ZFYVE28: variants seen among roughly 807,000 people sequenced by gnomAD.
ZFYVE28 encodes zinc finger FYVE-type containing 28, also known as lateral signaling target protein 2 homolog.
Under a neutral mutation model 82.1 loss-of-function variants are expected in ZFYVE28, and 40 were observed. The ratio of observed to expected loss-of-function variants is 0.49; its 90% CI spans 0.38 to 0.63. The LOEUF is 0.63. Among genes scored for constraint, ZFYVE28 ranks in the 30% least tolerant of loss-of-function variants. The pLI is 0.00. For synonymous variants in ZFYVE28, 612 were observed against 546.1 expected (o/e 1.12, Z -1.68); for missense variants, 1,321 against 1,242.1 (o/e 1.06, Z -0.96).
intron 1 of ZFYVE28, among the ~76,000 whole-genome samples, chr4:2,366,867 C>T (rs1341288472): frequency 6.6e-6 from 1 of 152,200 alleles, no homozygotes; most frequent in Admixed American, 6.5e-5. Context: ...CTGGGCACGG[C>T]GCCACGCAAA....
In ZFYVE28 at chr4:2,274,114, G is replaced by A; in HGVS notation, c.2154C>T (p.Ser718=). The A allele has an allele frequency of 6.2e-7, 1 of 1,613,670 alleles. No individual in the cohort carries two copies. Among genetic ancestry groups the A allele is most frequent in the Non-Finnish European group, 8.5e-7 (1 of 1,179,664 alleles). Residue 718 remains serine (S), a synonymous_variant, in exon 9 of 13, where the codon TCC becomes TCT. Coordinates refer to ENST00000290974, the MANE Select transcript of ZFYVE28 (RefSeq NM_020972.3). ...APQATREKIR[S]RFHGSHDLIH... is the part of the protein sequence containing the mutation. ...TGAGGTCGTGGCTGCCGTGGAACCT[G>A]GACCGGATCTTCTCTCTTGTGGCCT...
rs2108795969 is a variant in ZFYVE28 at position 2,270,804 on chromosome 4, T to C, written c.2585A>G (p.Gln862Arg). ...SHSAPLPRYG[Q>R]VKPVRVCTHC... ...GGTGCACACTCGGACCGGCTTCACC[T>C]GCCCGTAGCGGGGCAGCGGTGCTGA... is the stretch of plus-strand genomic sequence containing the variant. The change falls in exon 13 of 13, where the codon CAG becomes CGG. Residue 862 changes from glutamine (Q) to arginine (R), a missense_variant. Around this residue, in one of 2 missense-constraint regions of ZFYVE28, gnomAD observed 978 missense variants for 833.7 expected, o/e 1.17. Transcript: ENST00000290974. 1 of 1,613,088 alleles carries C rather than the reference T, an allele frequency of 6.2e-7. No homozygotes were observed. The highest frequency in any genetic ancestry group is 1.6e-4 in the Middle Eastern group (1 of 6,062).
In ZFYVE28 at chr4:2,320,129, GTCCCCCTCCCC is replaced by G; in HGVS notation, c.803+30_803+40del. On this transcript the variant is annotated intron_variant, in intron 7 of 12. Coordinates refer to ENST00000290974, the MANE Select transcript of ZFYVE28 (RefSeq NM_020972.3). The surrounding 1 kb of genome is among the most constrained non-coding windows in gnomAD (Gnocchi z 5.1). Reference sequence around the variant, plus strand: ...TTCAGCGCCCACCTGTGGCCCTCCTGTCCCCCTCCCCTCCCCCACCTCCTCTAGCTCCATCC... The same window carrying G: ...TTCAGCGCCCACCTGTGGCCCTCCTGTCCCCCACCTCCTCTAGCTCCATCC... 3.2e-6 allele frequency: 5 copies of G among 1,584,432 alleles called. No homozygotes were observed. Among genetic ancestry groups the G allele is most frequent in the Non-Finnish European group, 4.3e-6 (5 of 1,154,852 alleles).
intron 8 of ZFYVE28, among the ~76,000 whole-genome samples, chr4:2,279,487 G>C (rs948109278): frequency 1.3e-5 from 2 of 151,992 alleles, no homozygotes; most frequent in Non-Finnish European, 2.9e-5. Context: ...AGTCACAAAA[G>C]ATCACAAACT....
intron 1 of ZFYVE28, among the ~76,000 whole-genome samples, chr4:2,380,582 G>GT (rs1274695247): frequency 1.3e-5 from 2 of 152,168 alleles, no homozygotes; most frequent in African/African-American, 4.8e-5. Flanking sequence ...CTTTTGATAT[G>GT]TTTTGGCTGT....
intron 1 of ZFYVE28, chr4:2,364,402 C>G: frequency 2.0e-6 from 2 of 978,814 alleles, no homozygotes; most frequent in Non-Finnish European, 2.4e-6. Flanking sequence ...AGGGCACAGC[C>G]CCCCACCTCT....
chr4:2,356,934 A>G (rs1350885295), intron 1 of ZFYVE28, among the ~76,000 whole-genome samples: 2 of 151,926 alleles, frequency 1.3e-5, no homozygotes, highest in Non-Finnish European at 1.5e-5. Flanking sequence ...GCTGGAGTAC[A>G]CTCTGCTGCC....
At position 2,394,508 on chromosome 4, in the gene ZFYVE28, G is replaced by A. The variant is rs1369172531; in HGVS notation, c.39+23777C>T. ...GTTCCTGGACCCCTAGGCTGGCTGC[G>A]TTTCTCTTCACGGGGTGGTTGACCG... On this transcript the variant is annotated intron_variant, in intron 1 of 12. Transcript: ENST00000290974. This position sits in a 1 kb window ranked among gnomAD's most constrained non-coding sequence, Gnocchi z 4.0. 1.3e-5 allele frequency among the ~76,000 whole-genome samples: 2 copies of A among 152,222 alleles called. No homozygotes were observed. Among genetic ancestry groups the A allele is most frequent in the South Asian group, 2.1e-4 (1 of 4,834 alleles).
rs77061033 is a variant in ZFYVE28, at chr4:2,372,984, G to A, written c.40-18911C>T. Among the ~76,000 whole-genome samples the A allele has an allele frequency of 2.6e-3, 402 of 152,142 alleles. 10 individuals carry two copies. The East Asian group carries it at 0.063, about 24-fold the overall frequency. Reference sequence around the variant, plus strand: ...CCACCACGTCTCTGGGCAGACACTCGGGGTACCCTTACCCTATGCCTGAGC... The same window carrying A: ...CCACCACGTCTCTGGGCAGACACTCAGGGTACCCTTACCCTATGCCTGAGC... On this transcript the variant is annotated intron_variant, in intron 1 of 12. Coordinates refer to ENST00000290974, the MANE Select transcript of ZFYVE28 (RefSeq NM_020972.3). This position sits in a 1 kb window ranked among gnomAD's most constrained non-coding sequence, Gnocchi z 5.2.
chr4:2,301,719 T>C (rs953659111), intron 8 of ZFYVE28, among the ~76,000 whole-genome samples: 6 of 152,106 alleles, frequency 3.9e-5, no homozygotes, highest in Non-Finnish European at 8.8e-5. Flanking sequence ...CTCTCCCACT[T>C]ATCCTGTCAA....
At chr4:2,386,953 G>A (rs1220010447) in intron 1 of ZFYVE28, among the ~76,000 whole-genome samples, 3 of 152,224 alleles carry the variant, frequency 2.0e-5, no homozygotes, top group African/African-American at 4.8e-5. Context: ...AAACCCCGCT[G>A]GCCCCCGGCA....
intron 1 of ZFYVE28, among the ~76,000 whole-genome samples, chr4:2,393,137 G>A (rs1015577230): frequency 2.6e-5 from 4 of 152,186 alleles, no homozygotes; most frequent in African/African-American, 7.2e-5. Flanking sequence ...CATCTGCAGA[G>A]CCCCAGAGGA....
intron 1 of ZFYVE28, among the ~76,000 whole-genome samples, chr4:2,400,965 G>A (rs1731108015): frequency 6.6e-6 from 1 of 152,182 alleles, no homozygotes; most frequent in African/African-American, 2.4e-5. Flanking sequence ...AAAAATTCTA[G>A]ACCAACAGGA....
intron 2 of ZFYVE28, among the ~76,000 whole-genome samples, chr4:2,346,234 T>TG (rs1188327457): frequency 1.5e-5 from 2 of 136,546 alleles, no homozygotes; most frequent in Non-Finnish European, 3.1e-5. Flanking sequence ...CCCAGCTACG[T>TG]GGGGGGCTGA....
chr4:2,317,668 T>C (rs1014087257), intron 7 of ZFYVE28, among the ~76,000 whole-genome samples: 3 of 152,166 alleles, frequency 2.0e-5, no homozygotes, highest in Non-Finnish European at 4.4e-5. Context: ...AGTCTTGCTC[T>C]GTCGCCCAGG....
intron 1 of ZFYVE28, among the ~76,000 whole-genome samples, chr4:2,359,129 C>T (rs922620220): frequency 2.0e-5 from 3 of 151,856 alleles, no homozygotes; most frequent in Non-Finnish European, 4.4e-5. Flanking sequence ...CGCCCACCAC[C>T]AGGCCCGGCT....
At chr4:2,327,346 T>G (rs1333898443) in intron 6 of ZFYVE28, among the ~76,000 whole-genome samples, 1 of 145,090 alleles carries the variant, frequency 6.9e-6, no homozygotes, top group Non-Finnish European at 1.5e-5. Flanking sequence ...CAATTACACT[T>G]CTTTTCCTAT....
At chr4:2,402,178 A>G (rs1460391187) in intron 1 of ZFYVE28, among the ~76,000 whole-genome samples, 1 of 152,154 alleles carries the variant, frequency 6.6e-6, no homozygotes, top group African/African-American at 2.4e-5. Context: ...CGCTCCCCTC[A>G]TGGCACCAGG....
rs547670730 is a variant in ZFYVE28 at position 2,416,060 on chromosome 4, G to A, written c.39+2225C>T. 1.1e-4 allele frequency among the ~76,000 whole-genome samples: 17 copies of A among 152,306 alleles called. No homozygotes were observed. The South Asian group carries it at 3.3e-3, about 30-fold the overall frequency. The stretch of plus-strand genomic sequence containing the variant: ...ATCCTGTTCCATCCCTTCTCCGGAG[G>A]CACACAGCTCTGGGCTGATCCCTGG... On this transcript the variant is annotated intron_variant, in intron 1 of 12. Coordinates refer to ENST00000290974, the MANE Select transcript of ZFYVE28 (RefSeq NM_020972.3). This position sits in a 1 kb window ranked among gnomAD's most constrained non-coding sequence, Gnocchi z 4.6.
Sources: allele counts gnomAD v4.1 joint callset (sites outside exome capture counted in the v4.1 genomes callset), GRCh38; gene constraint gnomAD v4.1.1; regional missense constraint gnomAD v4.1.1; non-coding constraint Gnocchi (gnomAD v3.1); transcripts MANE v1.5; gene names NCBI Gene and HGNC (gene_info 2026-07-23, HGNC 2026-07-21).